COPG1: variants seen among roughly 807,000 people sequenced by gnomAD.
The protein encoded by COPG1 is coatomer subunit gamma-1.
In COPG1, 29 loss-of-function variants were observed where a neutral mutation model predicts 102.8. The ratio of observed to expected loss-of-function variants is 0.28; its 90% CI spans 0.21 to 0.38. COPG1 has a LOEUF of 0.38. COPG1 is among the 10% of genes least tolerant of loss of function. The probability of loss-of-function intolerance (pLI) is 1.00; values close to 1 mark genes in which losing one functional copy is unlikely to be tolerated. For synonymous variants in COPG1, 406 were observed against 421.6 expected, an observed-to-expected ratio of 0.96 and a Z score of 0.45; for missense variants, 875 against 1,132.7, an observed-to-expected ratio of 0.77 and a Z score of 3.27.
intron 12 of COPG1, among the ~76,000 whole-genome samples, chr3:129,262,106 G>C (rs1425723645): frequency 6.6e-6 from 1 of 152,098 alleles, no homozygotes; most frequent in Non-Finnish European, 1.5e-5. Flanking sequence ...ATGACACAGT[G>C]AGATTTGCAT....
Position 129,249,641 on chromosome 3 carries a change from G to A in COPG1, c.-69G>A. The A allele has an allele frequency of 6.5e-7, 1 of 1,531,068 alleles. No homozygotes were observed. The highest frequency in any genetic ancestry group is 1.2e-5 in the South Asian group (1 of 83,382). The allele number at this position is 1,531,068 out of a possible 1,614,324, so 94.8% of individuals were successfully genotyped here. ...CGGAAGTGGTCCCTGTAGAACCACT[G>A]TGGCACCGCTACTCCGTGCCGCGCC... On this transcript the variant is annotated 5_prime_UTR_variant, in exon 1 of 24. In the 5' UTR this introduces an upstream ATG that the reference lacks. Transcript: ENST00000314797.
Position 129,257,528 on chromosome 3 carries a change from A to C in COPG1, c.638A>C (p.Lys213Thr). 1 of 1,614,232 alleles carries C rather than the reference A, an allele frequency of 6.2e-7. No individual in the cohort carries two copies. The highest frequency in any genetic ancestry group is 8.5e-7 in the Non-Finnish European group (1 of 1,180,044). Reference protein sequence around the residue: ...VRKNDRLAVNKMISKVTRHGL... With the variant: ...VRKNDRLAVNTMISKVTRHGL... ...AAGAATGACCGCCTAGCCGTCAATA[A>C]GATGATCAGCAAGGTCACACGGCAT... Residue 213 changes from lysine (K) to threonine (T), a missense_variant, in exon 9 of 24, where the codon AAG becomes ACG. Transcript: ENST00000314797.
rs767131343 is a variant in COPG1 at position 129,257,549 on chromosome 3, G to A, written c.659G>A (p.Arg220Gln). The stretch of plus-strand genomic sequence containing the variant: ...AATAAGATGATCAGCAAGGTCACAC[G>A]GCATGGCCTTAAGTCTCCCTTTGCC... ...AVNKMISKVT[R>Q]HGLKSPFAYC... The change falls in exon 9 of 24, where the codon CGG (arginine) becomes CAG (glutamine). Residue 220 changes from arginine to glutamine, a missense_variant. Arg to Gln is a conservative substitution (Grantham distance 43). Coordinates refer to ENST00000314797, the MANE Select transcript of COPG1 (RefSeq NM_016128.4). 9.9e-6 allele frequency: 16 copies of A among 1,614,074 alleles called. No homozygotes were observed. The highest frequency in any genetic ancestry group is 1.1e-5 in the Non-Finnish European group (13 of 1,180,058).
chr3:129,274,636 G>A (rs1373078908), intron 21 of COPG1, among the ~76,000 whole-genome samples: 2 of 152,198 alleles, frequency 1.3e-5, no homozygotes, highest in Non-Finnish European at 2.9e-5. Flanking sequence ...GGCGTTTTCT[G>A]TTGAAGGGAT....
rs892932468 is a variant in COPG1, at chr3:129,265,549, G to T, written c.1225G>T (p.Gly409Cys). Residue 409 changes from glycine (G) to cysteine (C), a missense_variant and splice_region_variant, in exon 14 of 24, where the codon GGT becomes TGT. Transcript: ENST00000314797. ...NFLFTMLREE[G>C]GFEYKRAIVD... ...TGCTTAGCTCAGCTTCTCTCTGCAG[G>T]GTGGCTTTGAGTATAAGCGCGCTAT... The T allele has an allele frequency of 6.2e-7, 1 of 1,614,088 alleles. No homozygotes were observed. The highest frequency in any genetic ancestry group is 1.1e-5 in the South Asian group (1 of 91,058).
chr3:129,272,373 T>A lies in COPG1; in HGVS notation c.2116T>A (p.Cys706Ser), dbSNP rs1940200162. The A allele has an allele frequency of 6.2e-7, 1 of 1,613,946 alleles. No individual in the cohort carries two copies. Among genetic ancestry groups the A allele is most frequent in the African/African-American group, 1.3e-5 (1 of 74,892 alleles). Residue 706 changes from cysteine to serine, a missense_variant, in exon 20 of 24, where the codon TGC (cysteine) becomes AGC (serine). Coordinates refer to ENST00000314797, the MANE Select transcript of COPG1 (RefSeq NM_016128.4). Reference protein sequence around the residue: ...RSLPYNQPGTCYTLVALPKED... With the variant: ...RSLPYNQPGTSYTLVALPKED... ...CCTGCCCTACAACCAGCCCGGGACC[T>A]GCTACACACTGGTGGCACTGCCCAA...
At chr3:129,255,428 C>T (rs1218471946) in intron 7 of COPG1, among the ~76,000 whole-genome samples, 4 of 151,754 alleles carry the variant, frequency 2.6e-5, no homozygotes, top group African/African-American at 9.7e-5. Context: ...CTACCCGCCT[C>T]GGCCTCCCAA....
Position 129,268,414 on chromosome 3 carries a change from G to A in COPG1, c.1649-81G>A, listed in dbSNP as rs9990400. The A allele has an allele frequency of 9.4e-6, 14 of 1,490,368 alleles. No homozygotes were observed. In the Admixed American group the frequency reaches 1.2e-4, roughly 13 times the overall value. 92.3% of individuals were successfully genotyped at this position (1,490,368 alleles called of 1,614,324 possible). ...CATACTACTTAGGACTTGTAACTTCGGGACCCCAGGGCCTCCATGGTGGTC... is the reference window on the plus strand; with the variant it reads ...CATACTACTTAGGACTTGTAACTTCAGGACCCCAGGGCCTCCATGGTGGTC... On this transcript the variant is annotated intron_variant, in intron 16 of 23. Transcript: ENST00000314797.
chr3:129,265,674 G>A lies in COPG1; in HGVS notation c.1350G>A (p.Val450=). The A allele has an allele frequency of 6.2e-7, 1 of 1,614,206 alleles. No individual in the cohort carries two copies. The highest frequency in any genetic ancestry group is 8.5e-7 in the Non-Finnish European group (1 of 1,180,034). ...TCATCGAGGACTGCGAGTTCACAGT[G>A]CTGGCCACCCGTATTCTACATCTCC... is the stretch of plus-strand genomic sequence containing the variant. ...CEFIEDCEFT[V]LATRILHLLG... is the part of the protein sequence containing the mutation. The change falls in exon 14 of 24, where the codon GTG becomes GTA. Residue 450 remains valine (V), a synonymous_variant. Transcript: ENST00000314797.
intron 10 of COPG1, chr3:129,260,102 T>C (rs1006475704): frequency 3.5e-6 from 2 of 572,772 alleles, no homozygotes; most frequent in Non-Finnish European, 6.3e-6. Flanking sequence ...ACACAGCAGA[T>C]GCCCAGTGAA....
intron 10 of COPG1, 90 bp from the exon 11 acceptor site, chr3:129,260,243 C>A: frequency 1.7e-6 from 2 of 1,182,514 alleles, no homozygotes; most frequent in Non-Finnish European, 2.5e-6. Flanking sequence ...ATGAGCTGAG[C>A]AGAGGGTTTG....
At chr3:129,262,722 G>GAAA (rs71674809) in intron 12 of COPG1, among the ~76,000 whole-genome samples, 1,753 of 142,390 alleles carry the variant, frequency 0.012, 32 homozygotes, top group African/African-American at 0.041. Context: ...GACCTTGTCT[G>GAAA]AAAAAAAAAA....
Position 129,275,244 on chromosome 3 carries a change from TCAGA to T in COPG1, c.2449_2452del (p.Asp817LysfsTer35), listed in dbSNP as rs745645558. On this transcript the variant is annotated frameshift_variant, in exon 23 of 24. Coordinates refer to ENST00000314797, the MANE Select transcript of COPG1 (RefSeq NM_016128.4). LOFTEE classifies it high-confidence loss of function. The surrounding 1 kb of genome is among the most constrained non-coding windows in gnomAD (Gnocchi z 5.0). ...CTTGGGAATGCACCCTTGTGAGAGG[TCAGA>T]CAAAGTGCCGGATAACAAGAACACC... is the stretch of plus-strand genomic sequence containing the variant. 4.3e-6 allele frequency: 7 copies of T among 1,613,914 alleles called. No homozygotes were observed. The highest frequency in any genetic ancestry group is 1.3e-5 in the African/African-American group (1 of 74,862).
rs545132654 is a variant in COPG1 at position 129,251,054 on chromosome 3, G to A, written c.90+320G>A. On this transcript the variant is annotated intron_variant, in intron 2 of 23. Coordinates refer to ENST00000314797, the MANE Select transcript of COPG1 (RefSeq NM_016128.4). ...TTCTCCTGCCTCAGCCTCCCAAGTA[G>A]CTGGGACTACAGACGCCCGCCACCA... 8.7e-5 allele frequency among the ~76,000 whole-genome samples: 13 copies of A among 149,762 alleles called. No homozygotes were observed. In the East Asian group the frequency reaches 2.6e-3, roughly 30 times the overall value.
chr3:129,257,388 C>T, intron 8 of COPG1, 82 bp from the exon 9 acceptor site: 3 of 1,493,696 alleles, frequency 2.0e-6, no homozygotes, highest in Non-Finnish European at 2.8e-6. Flanking sequence ...AATGAGAAGG[C>T]TGAAGGACCC....
chr3:129,256,460 G>A (rs779774693), intron 8 of COPG1, among the ~76,000 whole-genome samples: 1 of 152,242 alleles, frequency 6.6e-6, no homozygotes, highest in Admixed American at 6.5e-5. Context: ...CAGGCAGAGG[G>A]CCGCCTAAAT....
Position 129,277,562 on chromosome 3 carries a change from T to C in COPG1, c.*138T>C. The stretch of plus-strand genomic sequence containing the variant: ...AGGAATCATTGCAGATTTTTTTTTA[T>C]TCTGCTCCCACCTCCCACCCGGGAC... On this transcript the variant is annotated 3_prime_UTR_variant, in exon 24 of 24. Coordinates refer to ENST00000314797, the MANE Select transcript of COPG1 (RefSeq NM_016128.4). 1 of 928,038 alleles carries C rather than the reference T, an allele frequency of 1.1e-6. No homozygotes were observed. The highest frequency in any genetic ancestry group is 1.6e-6 in the Non-Finnish European group (1 of 636,952). The allele number at this position is 928,038 out of a possible 1,614,324, so 57.5% of individuals were successfully genotyped here.
At chr3:129,266,806 C>T (rs530630630) in intron 14 of COPG1, among the ~76,000 whole-genome samples, 1 of 152,266 alleles carries the variant, frequency 6.6e-6, no homozygotes, top group East Asian at 1.9e-4. Context: ...CCATCTGGCG[C>T]CCTTCTCCAT....
intron 21 of COPG1, 49 bp downstream of exon 21, chr3:129,272,953 C>T (rs1439728148): frequency 9.5e-7 from 1 of 1,056,836 alleles, no homozygotes; most frequent in Non-Finnish European, 1.5e-6. Flanking sequence ...GGCTGCAAAG[C>T]AACTCCCTTC....
Sources: gnomAD v4.1 joint callset for allele counts (sites outside exome capture counted in the v4.1 genomes callset) on GRCh38, gnomAD v4.1.1 for gene constraint, Gnocchi (gnomAD v3.1) non-coding constraint, MANE v1.5 for transcripts, NCBI Gene and HGNC (gene_info 2026-07-23, HGNC 2026-07-21) for gene names.